The following MVD variants were observed in gnomAD, a reference collection of about 807,000 sequenced individuals.
MVD encodes the protein diphosphomevalonate decarboxylase.
MVD carries 52 observed loss-of-function variants against 42.4 expected under a neutral mutation model. That is an observed-to-expected ratio of 1.23 (90% CI 0.98 to 1.55). The LOEUF is 1.55. MVD is among the 40% of genes most tolerant of loss of function. MVD has a pLI of 0.00. For missense variants in MVD, 663 were observed against 572.1 expected (o/e 1.16, Z -1.62); for synonymous variants, 287 against 243.2 (o/e 1.18, Z -1.68).
At chr16:88,662,904 G>A in intron 1 of MVD, 107 bp downstream of exon 1, 1 of 1,518,486 alleles carries the variant, frequency 6.6e-7, no homozygotes, top group Non-Finnish European at 8.8e-7. Context: ...CGTCTGTCGA[G>A]GCCCTGGGAG....
chr16:88,656,326 G>T, intron 4 of MVD, 22 bp from the exon 5 acceptor site: 1 of 1,598,352 alleles, frequency 6.3e-7, no homozygotes, highest in Non-Finnish European at 8.5e-7. Flanking sequence ...CGGATTCAGG[G>T]AGGGTCCTCA....
At chr16:88,654,126 C>G (rs1373492745) in intron 8 of MVD, among the ~76,000 whole-genome samples, 2 of 149,532 alleles carry the variant, frequency 1.3e-5, no homozygotes, top group Non-Finnish European at 3.0e-5. Flanking sequence ...GTGGCACCCC[C>G]ACAGAGCAGC....
At chr16:88,661,766 G>A (rs976486280) in intron 1 of MVD, among the ~76,000 whole-genome samples, 1 of 151,530 alleles carries the variant, frequency 6.6e-6, no homozygotes, top group Admixed American at 6.6e-5. Context: ...AAATGCTGGT[G>A]AGGATGCGGA....
chr16:88,655,219 C>A lies in MVD; in HGVS notation c.877G>T (p.Ala293Ser). 1.9e-6 allele frequency: 3 copies of A among 1,569,406 alleles called. No homozygotes were observed. Among genetic ancestry groups the A allele is most frequent in the African/African-American group, 1.3e-5 (1 of 74,190 alleles). ...RIIHLVHRFN[A>S]HHGDTKVAYT... Reference sequence around the variant, plus strand: ...GTCACCTTGGTGTCCCCGTGGTGGGCGTTGAAGCGGTGCACCAGGTGGATG... The same window carrying A: ...GTCACCTTGGTGTCCCCGTGGTGGGAGTTGAAGCGGTGCACCAGGTGGATG... Residue 293 changes from alanine to serine, a missense_variant, in exon 7 of 10, where the codon GCC becomes TCC. Coordinates refer to ENST00000301012, the MANE Select transcript of MVD (RefSeq NM_002461.3).
At chr16:88,657,117 T>C (rs1226596546) in intron 4 of MVD, 6 of 470,820 alleles carry the variant, frequency 1.3e-5, no homozygotes, top group Non-Finnish European at 1.9e-5. Context: ...GATTTTTTTA[T>C]TTTTTGTAGA....
intron 8 of MVD, 86 bp from the exon 9 acceptor site, chr16:88,653,494 G>A: frequency 8.7e-7 from 1 of 1,151,902 alleles, no homozygotes; most frequent in Non-Finnish European, 1.2e-6. Flanking sequence ...CCAGAGATGG[G>A]AAGTGCATTC....
At position 88,662,996 on chromosome 16, in the gene MVD, G is replaced by T. The variant is rs772020711; in HGVS notation, c.70+15C>A. 8 of 1,592,866 alleles carry T rather than the reference G, an allele frequency of 5.0e-6. No individual in the cohort carries two copies. The East Asian group carries it at 1.8e-4, about 37-fold the overall frequency. On this transcript the variant is annotated intron_variant, in intron 1 of 9. Transcript: ENST00000301012. ...TCCCGGCCATCCCCGTCCCAGGCCG[G>T]CCCGCGGCACTCACAGTACTTGATG...
intron 2 of MVD, 90 bp downstream of exon 2, chr16:88,658,560 G>C (rs1175074932): frequency 3.8e-6 from 5 of 1,304,290 alleles, no homozygotes; most frequent in Non-Finnish European, 5.4e-6. Flanking sequence ...TGGGATTGCA[G>C]ATGTGAGCCA....
In MVD at chr16:88,656,211, C is replaced by A. The variant is rs369480516; in HGVS notation, c.497G>T (p.Gly166Val). Residue 166 changes from glycine to valine, a missense_variant, in exon 5 of 10, where the codon GGC becomes GTC. Transcript: ENST00000301012. ...CTCTCCCATCTGCCACTCCACAAAG[C>A]CCCCATACAGGCTCCGGCAGGCGCT... ...SGSACRSLYG[G>V]FVEWQMGEQA... 1.2e-6 allele frequency: 2 copies of A among 1,601,362 alleles called. No individual in the cohort carries two copies. Among genetic ancestry groups the A allele is most frequent in the Admixed American group, 1.7e-5 (1 of 60,012 alleles).
rs58831082 is a variant in MVD at position 88,661,081 on chromosome 16, AT to A, written c.70+1929del. The stretch of plus-strand genomic sequence containing the variant: ...AGACCCACACAAACATGCCCAGCTG[AT>A]TTTTTTTTTTACAAAAGTGCAAAAG... On this transcript the variant is annotated intron_variant, in intron 1 of 9. Coordinates refer to ENST00000301012, the MANE Select transcript of MVD (RefSeq NM_002461.3). Among the ~76,000 whole-genome samples, 519 of 145,372 alleles carry A rather than the reference AT, an allele frequency of 3.6e-3. 10 individuals carry two copies. The highest frequency in any genetic ancestry group is 0.031 in the Admixed American group (454 of 14,468).
Position 88,655,245 on chromosome 16 carries a change from A to G in MVD, c.851T>C (p.Ile284Thr). 6.3e-7 allele frequency: 1 copy of G among 1,584,610 alleles called. No homozygotes were observed. Among genetic ancestry groups the G allele is most frequent in the Non-Finnish European group, 8.6e-7 (1 of 1,165,530 alleles). The change falls in exon 7 of 10, where the codon ATC (isoleucine) becomes ACC (threonine). Residue 284 changes from isoleucine to threonine, a missense_variant. By Grantham distance (89) the Ile-to-Thr change is moderately conservative (BLOSUM62 -1). Transcript: ENST00000301012. ...ISYLNAISWR[I>T]IHLVHRFNAH... ...GTTGAAGCGGTGCACCAGGTGGATG[A>G]TGCGCCAGGAGATGGCATTGAGGTA...
At position 88,653,639 on chromosome 16, in the gene MVD, G is replaced by T. The variant is rs115635283; in HGVS notation, c.1014-231C>A. 334 of 505,454 alleles carry T rather than the reference G, an allele frequency of 6.6e-4. 4 individuals are homozygous for T. The highest frequency in any genetic ancestry group is 4.3e-3 in the African/African-American group (214 of 49,294). 31.3% of individuals were successfully genotyped at this position (505,454 alleles called of 1,614,324 possible). On this transcript the variant is annotated intron_variant, in intron 8 of 9. Transcript: ENST00000301012. ...TGACCCTGTGAATGTCCTCAACACCGCAGGATTATATGCTCTCGAATGGCT... is the reference window on the plus strand; with the variant it reads ...TGACCCTGTGAATGTCCTCAACACCTCAGGATTATATGCTCTCGAATGGCT...
At position 88,658,653 on chromosome 16, in the gene MVD, G is replaced by C. The variant is rs780873932; in HGVS notation, c.138C>G (p.Asp46Glu). 6 of 1,613,478 alleles carry C rather than the reference G, an allele frequency of 3.7e-6. No individual in the cohort carries two copies. The African/African-American group carries it at 4.0e-5, about 11-fold the overall frequency. Residue 46 changes from aspartate to glutamate, a missense_variant, in exon 2 of 10, where the codon GAC (aspartate) becomes GAG (glutamate). Coordinates refer to ENST00000301012, the MANE Select transcript of MVD (RefSeq NM_002461.3). ...TTAGTCGTCAGTCCACACATACCTG[G>C]TCCTGGTGCAGAGTGACGCTCAGGG... ...NSSLSVTLHQ[D>E]QLKTTTTAVI...
At chr16:88,656,383 T>G in intron 4 of MVD, 79 bp from the exon 5 acceptor site, 1 of 1,465,304 alleles carries the variant, frequency 6.8e-7, no homozygotes. Flanking sequence ...CCCAGGAACG[T>G]CCCACACCCC....
rs781035410 is a variant in MVD at position 88,656,251 on chromosome 16, G to A, written c.457C>T (p.Arg153Cys). Reference sequence around the variant, plus strand: ...CGGCAGGCGCTGCCTGAGCCCCGGCGAGCCACTTCTGAGAGGTCACTCTCC... The same window carrying A: ...CGGCAGGCGCTGCCTGAGCCCCGGCAAGCCACTTCTGAGAGGTCACTCTCC... The part of the protein sequence containing the change: ...GVESDLSEVA[R>C]RGSGSACRSL... The change falls in exon 5 of 10, where the codon CGC (arginine) becomes TGC (cysteine). Residue 153 changes from arginine (R) to cysteine (C), a missense_variant. Physicochemically the swap from Arg to Cys is radical, Grantham distance 180 (BLOSUM62 -3). Transcript: ENST00000301012. 5.0e-6 allele frequency: 8 copies of A among 1,600,256 alleles called. No homozygotes were observed. The highest frequency in any genetic ancestry group is 3.3e-5 in the Admixed American group (2 of 60,020).
At chr16:88,659,003 G>A (rs1260522103) in intron 1 of MVD, 3 of 449,852 alleles carry the variant, frequency 6.7e-6, no homozygotes, top group Non-Finnish European at 1.3e-5. Context: ...GTGCCCAGGT[G>A]CGGATCGCTC....
chr16:88,656,206 C>A lies in MVD; in HGVS notation c.502G>T (p.Val168Leu). 1 of 1,601,498 alleles carries A rather than the reference C, an allele frequency of 6.2e-7. No individual in the cohort carries two copies. The highest frequency in any genetic ancestry group is 8.5e-7 in the Non-Finnish European group (1 of 1,179,952). The change falls in exon 5 of 10, where the codon GTG (valine) becomes TTG (leucine). Residue 168 changes from valine to leucine, a missense_variant. Coordinates refer to ENST00000301012, the MANE Select transcript of MVD (RefSeq NM_002461.3). ...GCCTGCTCTCCCATCTGCCACTCCA[C>A]AAAGCCCCCATACAGGCTCCGGCAG... ...SACRSLYGGF[V>L]EWQMGEQADG...
chr16:88,662,467 G>A (rs1908364973), intron 1 of MVD, among the ~76,000 whole-genome samples: 2 of 152,254 alleles, frequency 1.3e-5, no homozygotes, highest in Admixed American at 1.3e-4. Flanking sequence ...GCGGGGCTGT[G>A]AACGCACAGG....
chr16:88,657,132 G>GGA (rs1555543369), intron 4 of MVD: 2 of 464,410 alleles, frequency 4.3e-6, no homozygotes, highest in Admixed American at 3.1e-5. Flanking sequence ...TGTAGAGATG[G>GGA]GGGGGGGTCT....
Sources: allele counts gnomAD v4.1 joint callset (sites outside exome capture counted in the v4.1 genomes callset), GRCh38; gene constraint gnomAD v4.1.1; transcripts MANE v1.5; gene names NCBI Gene and HGNC (gene_info 2026-07-23, HGNC 2026-07-21).